The following GRM3 variants were observed in gnomAD, a reference collection of about 807,000 sequenced individuals.
The protein encoded by GRM3 is glutamate metabotropic receptor 3.
A neutral mutation model predicts 70.5 loss-of-function variants in GRM3; 26 were observed. The ratio of observed to expected loss-of-function variants is 0.37; its 90% CI spans 0.27 to 0.51. GRM3 has a LOEUF of 0.51. GRM3 is among the 20% of genes least tolerant of loss of function. GRM3 has a pLI of 0.93. For synonymous variants in GRM3, 443 were observed against 434.9 expected, an observed-to-expected ratio of 1.02 and a Z score of -0.23; for missense variants, 859 against 1,123.8, an observed-to-expected ratio of 0.76 and a Z score of 3.37.
chr7:86,723,864 G>A (rs193256863), intron 1 of GRM3, among the ~76,000 whole-genome samples: 143 of 152,284 alleles, frequency 9.4e-4, no homozygotes, highest in Admixed American at 4.0e-3. Flanking sequence ...GTAGTAGTTT[G>A]TTGAACCCTC....
chr7:86,788,925 T>C (rs1383129816), intron 3 of GRM3, among the ~76,000 whole-genome samples: 2 of 152,236 alleles, frequency 1.3e-5, no homozygotes, highest in Non-Finnish European at 2.9e-5. Flanking sequence ...AAATGAACGC[T>C]TAGAATTCAG....
intron 3 of GRM3, among the ~76,000 whole-genome samples, chr7:86,798,942 C>A (rs780099292): frequency 2.6e-5 from 4 of 152,052 alleles, no homozygotes; most frequent in Non-Finnish European, 5.9e-5. Flanking sequence ...TGAGGCCTAC[C>A]CAGCCATGTG....
In GRM3 at chr7:86,698,366, T is replaced by A. The variant is rs185609484; in HGVS notation, c.-141+53494T>A. Among the ~76,000 whole-genome samples the A allele has an allele frequency of 1.8e-3, 266 of 151,856 alleles. 2 individuals are homozygous for A. Among genetic ancestry groups the A allele is most frequent in the African/African-American group, 6.0e-3 (248 of 41,412 alleles). ...CTTCCTTAAAAGGTAACTTAACTCT[T>A]TGTCTGGGGCTCAGTCCTTTGGATG... is the stretch of plus-strand genomic sequence containing the variant. On this transcript the variant is annotated intron_variant, in intron 1 of 5. Transcript: ENST00000361669.
chr7:86,857,763 A>C (rs1419196567), intron 5 of GRM3, among the ~76,000 whole-genome samples: 4 of 152,174 alleles, frequency 2.6e-5, no homozygotes, highest in African/African-American at 9.7e-5. Context: ...ACATATTTTG[A>C]TAGAAAAGAG....
At chr7:86,737,571 T>C (rs965268500) in intron 1 of GRM3, among the ~76,000 whole-genome samples, 2 of 152,220 alleles carry the variant, frequency 1.3e-5, no homozygotes, top group African/African-American at 2.4e-5. Context: ...CTCAATTTGT[T>C]ACGGTTATTA....
chr7:86,664,482 G>A (rs548050990), intron 1 of GRM3, among the ~76,000 whole-genome samples: 10 of 151,892 alleles, frequency 6.6e-5, no homozygotes, highest in Non-Finnish European at 1.5e-4. Context: ...TCCTTTTAGG[G>A]GAAGCTCAAA....
intron 1 of GRM3, among the ~76,000 whole-genome samples, chr7:86,664,860 C>T (rs1793985147): frequency 6.6e-6 from 1 of 151,988 alleles, no homozygotes. Context: ...TTAAACCTCC[C>T]AGGCCTAAGG....
At chr7:86,824,868 G>A (rs1437526717) in intron 3 of GRM3, among the ~76,000 whole-genome samples, 14 of 151,850 alleles carry the variant, frequency 9.2e-5, no homozygotes, top group Non-Finnish European at 2.9e-5. Flanking sequence ...TTATGTTAGG[G>A]TACTATAACC....
intron 3 of GRM3, among the ~76,000 whole-genome samples, chr7:86,821,062 C>A (rs1010467343): frequency 6.6e-6 from 1 of 152,040 alleles, no homozygotes; most frequent in African/African-American, 2.4e-5. Flanking sequence ...GTAATAGTCA[C>A]GCAAAACTTG....
chr7:86,652,952 G>A (rs1341742116), intron 1 of GRM3, among the ~76,000 whole-genome samples: 5 of 152,178 alleles, frequency 3.3e-5, no homozygotes, highest in Non-Finnish European at 7.4e-5. Flanking sequence ...GTAAACTTCT[G>A]ATTATTCTTG....
At chr7:86,755,795 G>A (rs1005088402) in intron 1 of GRM3, among the ~76,000 whole-genome samples, 2 of 152,052 alleles carry the variant, frequency 1.3e-5, no homozygotes, top group African/African-American at 4.8e-5. Flanking sequence ...CAGGATATAG[G>A]ATGAAGGCAA....
rs939558248 is a variant in GRM3, at chr7:86,839,961, T to G, written c.2391+56T>G. ...GTTCTTTCTCCTCCAGTGTTTCTTG[T>G]GTAGTATTTAAAATAGACTCCTTTT... On this transcript the variant is annotated intron_variant, in intron 4 of 5. Coordinates refer to ENST00000361669, the MANE Select transcript of GRM3 (RefSeq NM_000840.3). This position sits in a 1 kb window ranked among gnomAD's most constrained non-coding sequence, Gnocchi z 4.5. 1.8e-5 allele frequency: 18 copies of G among 1,022,064 alleles called. No homozygotes were observed. In the African/African-American group the frequency reaches 2.9e-4, roughly 16 times the overall value. The allele number at this position is 1,022,064 out of a possible 1,614,324, so 63.3% of individuals were successfully genotyped here. A position where few individuals can be genotyped will look rare whatever the true frequency, so the allele number is the denominator to read the frequency against.
chr7:86,758,090 C>A (rs980010137), intron 1 of GRM3, among the ~76,000 whole-genome samples: 2 of 152,020 alleles, frequency 1.3e-5, no homozygotes, highest in African/African-American at 4.8e-5. Context: ...TCTCTCAGTC[C>A]CTCTCTCACT....
chr7:86,718,086 C>A (rs540711988), intron 1 of GRM3, among the ~76,000 whole-genome samples: 1 of 151,900 alleles, frequency 6.6e-6, no homozygotes, highest in African/African-American at 2.4e-5. Context: ...GTCTTCATTG[C>A]TGAATGTGAT....
intron 3 of GRM3, among the ~76,000 whole-genome samples, chr7:86,803,860 C>A (rs1449979666): frequency 6.6e-6 from 1 of 152,172 alleles, no homozygotes; most frequent in Non-Finnish European, 1.5e-5. Context: ...AGTTCAGAAT[C>A]CTGAAATTTT....
intron 1 of GRM3, among the ~76,000 whole-genome samples, chr7:86,731,769 C>G (rs1277157575): frequency 6.6e-6 from 1 of 152,136 alleles, no homozygotes; most frequent in Non-Finnish European, 1.5e-5. Context: ...TCAGCTGCCC[C>G]ATGAGGAACA....
chr7:86,832,245 CTTTT>C (rs371453726), intron 3 of GRM3, among the ~76,000 whole-genome samples: 2 of 112,348 alleles, frequency 1.8e-5, no homozygotes, highest in African/African-American at 7.7e-5. Context: ...TGCTTGTAGC[CTTTT>C]TTTTTTTTTT....
intron 1 of GRM3, among the ~76,000 whole-genome samples, chr7:86,697,880 G>T (rs1201977354): frequency 6.6e-6 from 1 of 152,110 alleles, no homozygotes; most frequent in Non-Finnish European, 1.5e-5. Flanking sequence ...GCAAGGAACT[G>T]ACGTGCTGAC....
chr7:86,698,683 T>G (rs2116080397), intron 1 of GRM3, among the ~76,000 whole-genome samples: 1 of 151,580 alleles, frequency 6.6e-6, no homozygotes, highest in African/African-American at 2.4e-5. Context: ...CTGGAAAAAG[T>G]GGTGAATGTC....
Sources: gnomAD v4.1 joint callset for allele counts (sites outside exome capture counted in the v4.1 genomes callset) on GRCh38, gnomAD v4.1.1 for gene constraint, Gnocchi (gnomAD v3.1) non-coding constraint, MANE v1.5 for transcripts, NCBI Gene and HGNC (gene_info 2026-07-23, HGNC 2026-07-21) for gene names.